The following ST3GAL3 variants were observed in gnomAD, a reference collection of about 807,000 sequenced individuals.
ST3GAL3 encodes the protein ST3 beta-galactoside alpha-2,3-sialyltransferase 3, also known as CMP-N-acetylneuraminate-beta-1,4-galactoside alpha-2,3-sialyltransferase.
Under a neutral mutation model 50.1 loss-of-function variants are expected in ST3GAL3, and 21 were observed. The observed-to-expected ratio is 0.42, with a 90% CI of 0.30 to 0.60. The LOEUF (loss-of-function observed/expected upper bound fraction) is 0.60. Among genes scored for constraint, ST3GAL3 ranks in the 20% least tolerant of loss-of-function variants. The pLI, the probability that ST3GAL3 is intolerant of heterozygous loss-of-function variation, is 0.19. For missense variants in ST3GAL3, 353 were observed against 489.4 expected (o/e 0.72, Z 2.63); for synonymous variants, 183 against 190.0 (o/e 0.96, Z 0.30).
intron 9 of ST3GAL3, chr1:43,900,619 A>T (rs1308103465): frequency 6.6e-6 from 1 of 152,290 alleles, no homozygotes; most frequent in African/African-American, 2.4e-5. Flanking sequence ...CTAGAGGAGG[A>T]TGGTGACAGA....
intron 5 of ST3GAL3, among the ~76,000 whole-genome samples, chr1:43,893,187 G>T (rs928379959): frequency 6.6e-6 from 1 of 152,222 alleles, no homozygotes; most frequent in Non-Finnish European, 1.5e-5. Flanking sequence ...AATGGTGTTA[G>T]TGATGATAGG....
At chr1:43,709,760 T>C (rs949230635) in intron 1 of ST3GAL3, among the ~76,000 whole-genome samples, 15 of 151,786 alleles carry the variant, frequency 9.9e-5, no homozygotes, top group African/African-American at 3.1e-4. Flanking sequence ...GGCAGGAGAA[T>C]CGCTTGAACC....
chr1:43,734,681 TATAATC>T lies in ST3GAL3; in HGVS notation c.-30-1544_-30-1539del, dbSNP rs763304557. On this transcript the variant is annotated intron_variant, in intron 1 of 11. Transcript: ENST00000347631. ...TGTGTTGATTTTTGTAAATTAATCT[TATAATC>T]ATAATCACCTACTTTATTGAACTTC... Among the ~76,000 whole-genome samples, 130 of 152,300 alleles carry T rather than the reference TATAATC, an allele frequency of 8.5e-4. 1 individual carries two copies. The highest frequency in any genetic ancestry group is 3.4e-3 in the Middle Eastern group (1 of 294).
chr1:43,800,858 A>AT (rs1250056988), intron 3 of ST3GAL3, among the ~76,000 whole-genome samples: 1 of 152,168 alleles, frequency 6.6e-6, no homozygotes, highest in Non-Finnish European at 1.5e-5. Flanking sequence ...CATGGCATAT[A>AT]TTACATATGT....
chr1:43,762,460 C>T lies in ST3GAL3; in HGVS notation c.118+26080C>T, dbSNP rs111532823. On this transcript the variant is annotated intron_variant, in intron 2 of 11. Coordinates refer to ENST00000347631, the MANE Select transcript of ST3GAL3 (RefSeq NM_006279.5). ...GAGTAGTCCAGGGTGGGAGACAATACTTTTAATCTTCCCCTTTGAGTTCAC... is the reference window on the plus strand; with the variant it reads ...GAGTAGTCCAGGGTGGGAGACAATATTTTTAATCTTCCCCTTTGAGTTCAC... 9.3e-3 allele frequency among the ~76,000 whole-genome samples: 1,416 copies of T among 152,140 alleles called. 31 individuals carry two copies. The highest frequency in any genetic ancestry group is 0.032 in the African/African-American group (1,336 of 41,486).
intron 5 of ST3GAL3, among the ~76,000 whole-genome samples, chr1:43,874,613 G>A (rs1329930921): frequency 1.3e-5 from 2 of 152,194 alleles, no homozygotes; most frequent in African/African-American, 4.8e-5. Context: ...TAAGAGTGAA[G>A]ACTTCCTGGA....
At chr1:43,881,877 C>T (rs989935918) in intron 5 of ST3GAL3, among the ~76,000 whole-genome samples, 1 of 152,238 alleles carries the variant, frequency 6.6e-6, no homozygotes, top group Non-Finnish European at 1.5e-5. Context: ...GAGGATCACA[C>T]AGAGGCGGTC....
chr1:43,795,445 C>T (rs2058579334), intron 3 of ST3GAL3, among the ~76,000 whole-genome samples: 1 of 152,330 alleles, frequency 6.6e-6, no homozygotes, highest in Non-Finnish European at 1.5e-5. Context: ...CTTATTCATG[C>T]TCTCATGGAA....
intron 2 of ST3GAL3, among the ~76,000 whole-genome samples, chr1:43,749,565 C>T (rs908713869): frequency 2.0e-5 from 3 of 152,028 alleles, no homozygotes; most frequent in Non-Finnish European, 4.4e-5. Context: ...AGTGATACCC[C>T]ATCTTAAACA....
chr1:43,832,613 G>T (rs1573870975), intron 4 of ST3GAL3, among the ~76,000 whole-genome samples: 1 of 152,170 alleles, frequency 6.6e-6, no homozygotes, highest in Non-Finnish European at 1.5e-5. Flanking sequence ...TAACAGGTCA[G>T]ACAGGTGGCA....
intron 5 of ST3GAL3, among the ~76,000 whole-genome samples, chr1:43,849,985 T>C (rs1170430493): frequency 1.3e-5 from 2 of 152,206 alleles, no homozygotes; most frequent in African/African-American, 4.8e-5. Flanking sequence ...AGCTCTGCCC[T>C]ACCCCATGGT....
chr1:43,838,533 C>A, intron 5 of ST3GAL3: 1 of 522,634 alleles, frequency 1.9e-6, no homozygotes. Flanking sequence ...TGTGGCACAG[C>A]CTGTTTCTGC....
At chr1:43,920,174 T>G in intron 9 of ST3GAL3, 7 of 589,140 alleles carry the variant, frequency 1.2e-5, no homozygotes, top group South Asian at 3.8e-5. Flanking sequence ...TATCCTCCTC[T>G]GTTACACACT....
intron 2 of ST3GAL3, among the ~76,000 whole-genome samples, chr1:43,757,011 C>T (rs897433097): frequency 1.3e-5 from 2 of 152,124 alleles, no homozygotes; most frequent in Non-Finnish European, 2.9e-5. Flanking sequence ...TCAAGTGATT[C>T]TCCTGGCTCA....
At chr1:43,810,106 A>T (rs927626991) in intron 3 of ST3GAL3, among the ~76,000 whole-genome samples, 4 of 152,136 alleles carry the variant, frequency 2.6e-5, no homozygotes, top group African/African-American at 9.7e-5. Context: ...AAGCAGCCCT[A>T]ATACATGTGT....
chr1:43,921,900 C>T, intron 11 of ST3GAL3: 1 of 397,570 alleles, frequency 2.5e-6, no homozygotes, highest in Non-Finnish European at 4.4e-6. Flanking sequence ...CTCAAGGTGG[C>T]CAATTCCAGT....
At chr1:43,731,744 G>C (rs1675995978) in intron 1 of ST3GAL3, among the ~76,000 whole-genome samples, 1 of 151,614 alleles carries the variant, frequency 6.6e-6, no homozygotes, top group Non-Finnish European at 1.5e-5. Flanking sequence ...GTGTTAGCCA[G>C]GATGGTCTTG....
At chr1:43,817,927 C>A (rs1325753853) in intron 4 of ST3GAL3, among the ~76,000 whole-genome samples, 2 of 150,806 alleles carry the variant, frequency 1.3e-5, no homozygotes, top group Non-Finnish European at 3.0e-5. Flanking sequence ...TACAGACAGG[C>A]TCTTGCTATG....
intron 9 of ST3GAL3, chr1:43,916,598 T>G (rs528874670): frequency 6.6e-6 from 1 of 152,312 alleles, no homozygotes; most frequent in South Asian, 2.1e-4. Flanking sequence ...TTCCTTTTTT[T>G]TTGAGACAGG....
Sources: gnomAD v4.1 joint callset for allele counts (sites outside exome capture counted in the v4.1 genomes callset) on GRCh38, gnomAD v4.1.1 for gene constraint, MANE v1.5 for transcripts, NCBI Gene and HGNC (gene_info 2026-07-23, HGNC 2026-07-21) for gene names.